Variants in DNAJC6 observed in about 807,000 individuals in gnomAD.
DNAJC6 encodes the protein auxilin.
DNAJC6 carries 34 observed loss-of-function variants against 110.0 expected under a neutral mutation model. The observed-to-expected ratio is 0.31, with a 90% CI of 0.24 to 0.41. The LOEUF is 0.41. Among genes scored for constraint, DNAJC6 ranks in the 10% least tolerant of loss-of-function variants. The pLI, the probability that DNAJC6 is intolerant of heterozygous loss-of-function variation, is 1.00. For synonymous variants in DNAJC6, 406 were observed against 437.2 expected (o/e 0.93, Z 0.89); for missense variants, 1,031 against 1,207.8 (o/e 0.85, Z 2.17).
At position 65,366,100 on chromosome 1, in the gene DNAJC6, T is replaced by G; in HGVS notation, c.447T>G (p.Asp149Glu). ...ACATAGGATTCAGGAATCAGGTTGA[T>G]GACATTCGAAGCTTTTTGGATTCCA... ...NVDIGFRNQV[D>E]DIRSFLDSRH... is the part of the protein sequence containing the mutation. The change falls in exon 4 of 19, where the codon GAT (aspartate) becomes GAG (glutamate). Residue 149 changes from aspartate to glutamate, a missense_variant. Coordinates refer to ENST00000371069, the MANE Select transcript of DNAJC6 (RefSeq NM_001256864.2). The G allele has an allele frequency of 6.2e-7, 1 of 1,613,970 alleles. No homozygotes were observed. The highest frequency in any genetic ancestry group is 2.2e-5 in the East Asian group (1 of 44,884).
At chr1:65,352,208 T>C (rs959788972) in intron 1 of DNAJC6, among the ~76,000 whole-genome samples, 4 of 152,342 alleles carry the variant, frequency 2.6e-5, no homozygotes, top group African/African-American at 9.6e-5. Flanking sequence ...TAGGGATACA[T>C]TGCTAATATT....
Position 65,379,405 on chromosome 1 carries a change from T to C in DNAJC6, c.547T>C (p.Ser183Pro). 3 of 1,614,066 alleles carry C rather than the reference T, an allele frequency of 1.9e-6. No individual in the cohort carries two copies. The highest frequency in any genetic ancestry group is 2.5e-6 in the Non-Finnish European group (3 of 1,179,942). The change falls in exon 5 of 19, where the codon TCA becomes CCA. Residue 183 changes from serine to proline, a missense_variant. Ser to Pro is a moderately conservative substitution (Grantham distance 74). Coordinates refer to ENST00000371069, the MANE Select transcript of DNAJC6 (RefSeq NM_001256864.2). ...YRTAKFHSRV[S>P]ECSWPIRQAP... ...TCCTTTTGCTGTGCTCCCTTAGGTCTCAGAATGCAGTTGGCCCATTAGGCA... is the reference window on the plus strand; with the variant it reads ...TCCTTTTGCTGTGCTCCCTTAGGTCCCAGAATGCAGTTGGCCCATTAGGCA...
intron 17 of DNAJC6, among the ~76,000 whole-genome samples, chr1:65,409,663 C>T (rs1478629806): frequency 2.0e-5 from 3 of 152,154 alleles, no homozygotes; most frequent in Non-Finnish European, 4.4e-5. Context: ...CCAATTCCTG[C>T]AACATTAGAC....
intron 1 of DNAJC6, among the ~76,000 whole-genome samples, chr1:65,350,366 G>A (rs1284226616): frequency 6.6e-6 from 1 of 152,052 alleles, no homozygotes; most frequent in Admixed American, 6.6e-5. Context: ...ATTCTTTGCT[G>A]GTAGCTCATT....
chr1:65,318,419 T>A (rs375966225), intron 1 of DNAJC6, among the ~76,000 whole-genome samples: 10 of 152,302 alleles, frequency 6.6e-5, no homozygotes, highest in Admixed American at 5.2e-4. Flanking sequence ...ATCCTGGAGA[T>A]AATTTACAGC....
intron 1 of DNAJC6, among the ~76,000 whole-genome samples, chr1:65,351,333 A>G (rs1265645419): frequency 6.6e-6 from 1 of 152,156 alleles, no homozygotes; most frequent in African/African-American, 2.4e-5. Flanking sequence ...GTCCAATACC[A>G]TTATCATGGT....
intron 1 of DNAJC6, among the ~76,000 whole-genome samples, chr1:65,359,808 T>C (rs1362512074): frequency 6.6e-6 from 1 of 152,222 alleles, no homozygotes; most frequent in Non-Finnish European, 1.5e-5. Flanking sequence ...CTCTGCATTG[T>C]AGCATGAAAG....
intron 1 of DNAJC6, among the ~76,000 whole-genome samples, chr1:65,360,899 G>T (rs1026776533): frequency 4.6e-5 from 7 of 152,164 alleles, no homozygotes; most frequent in African/African-American, 1.4e-4. Context: ...GCTGAGAGCA[G>T]CCAGATGAAA....
chr1:65,375,640 A>G (rs970375659), intron 4 of DNAJC6, among the ~76,000 whole-genome samples: 1 of 151,674 alleles, frequency 6.6e-6, no homozygotes, highest in African/African-American at 2.4e-5. Flanking sequence ...GTTAGCCAGG[A>G]TGGTCTCGAT....
At chr1:65,265,924 CCT>C (rs1653307753) in intron 1 of DNAJC6, among the ~76,000 whole-genome samples, 1 of 152,258 alleles carries the variant, frequency 6.6e-6, no homozygotes, top group African/African-American at 2.4e-5. Flanking sequence ...CGCCGGCCCC[CCT>C]TTCTTTTCAC....
rs114989372 is a variant in DNAJC6 at position 65,363,936 on chromosome 1, C to T, written c.194-699C>T. ...AGGCCTAAAAGCTGTACTAAAGCCC[C>T]TTCAGAAGGTGTTTTTCATGATAGA... On this transcript the variant is annotated intron_variant, in intron 1 of 18. Transcript: ENST00000371069. 3.2e-3 allele frequency among the ~76,000 whole-genome samples: 482 copies of T among 152,188 alleles called. 4 individuals are homozygous for T. The highest frequency in any genetic ancestry group is 0.011 in the African/African-American group (454 of 41,532).
intron 1 of DNAJC6, among the ~76,000 whole-genome samples, chr1:65,363,241 T>C (rs1475457933): frequency 2.0e-5 from 3 of 152,026 alleles, no homozygotes; most frequent in Non-Finnish European, 2.9e-5. Context: ...AGTGGGGACA[T>C]AGAACCAAAC....
At chr1:65,383,830 C>T (rs927261347) in intron 5 of DNAJC6, among the ~76,000 whole-genome samples, 1 of 152,174 alleles carries the variant, frequency 6.6e-6, no homozygotes, top group African/African-American at 2.4e-5. Context: ...TCCCAACAAG[C>T]AGCATTTACC....
rs1256165314 is a variant in DNAJC6 at position 65,366,204 on chromosome 1, T to A, written c.543+8T>A. Reference sequence around the variant, plus strand: ...GCCAAGTTTCACAGCCGGGTAAGGATTTTTAGCCCTGAGATCATACTGTTG... The same window carrying A: ...GCCAAGTTTCACAGCCGGGTAAGGAATTTTAGCCCTGAGATCATACTGTTG... On this transcript the variant is annotated splice_region_variant and intron_variant, in intron 4 of 18. Coordinates refer to ENST00000371069, the MANE Select transcript of DNAJC6 (RefSeq NM_001256864.2). 3 of 1,613,224 alleles carry A rather than the reference T, an allele frequency of 1.9e-6. No homozygotes were observed. Among genetic ancestry groups the A allele is most frequent in the Admixed American group, 3.3e-5 (2 of 59,962 alleles).
chr1:65,384,168 T>A (rs781349694), intron 5 of DNAJC6, 25 bp from the exon 6 acceptor site: 4 of 1,433,578 alleles, frequency 2.8e-6, no homozygotes, highest in Admixed American at 5.3e-5. Flanking sequence ...ATGTTCATAA[T>A]GATTTTATGC....
chr1:65,395,510 G>T (rs574475244), intron 13 of DNAJC6, among the ~76,000 whole-genome samples: 1 of 152,098 alleles, frequency 6.6e-6, no homozygotes, highest in Non-Finnish European at 1.5e-5. Context: ...CACTAGTTAC[G>T]TGTGGCTGTT....
At chr1:65,272,536 A>G (rs1221566029) in intron 1 of DNAJC6, among the ~76,000 whole-genome samples, 1 of 152,156 alleles carries the variant, frequency 6.6e-6, no homozygotes, top group African/African-American at 2.4e-5. Flanking sequence ...GGATATGTTG[A>G]CCTTGTAAAA....
chr1:65,380,540 G>C (rs1233452528), intron 5 of DNAJC6, among the ~76,000 whole-genome samples: 2 of 152,174 alleles, frequency 1.3e-5, no homozygotes, highest in African/African-American at 4.8e-5. Flanking sequence ...AAAGACCAAA[G>C]GATTTTCCTT....
At chr1:65,310,922 A>G (rs1193089519) in intron 1 of DNAJC6, among the ~76,000 whole-genome samples, 1 of 152,192 alleles carries the variant, frequency 6.6e-6, no homozygotes, top group Non-Finnish European at 1.5e-5. Flanking sequence ...AAAGATTCAT[A>G]TGGGGTCGTT....
Sources: gnomAD v4.1 joint callset for allele counts (sites outside exome capture counted in the v4.1 genomes callset) on GRCh38, gnomAD v4.1.1 for gene constraint, MANE v1.5 for transcripts, NCBI Gene and HGNC (gene_info 2026-07-23, HGNC 2026-07-21) for gene names.